GPBP1: variants seen among roughly 807,000 people sequenced by gnomAD.
GPBP1 encodes the protein vasculin.
In GPBP1, 13 loss-of-function variants were observed where a neutral mutation model predicts 56.5. That is an observed-to-expected ratio of 0.23 (90% CI 0.15 to 0.37). The LOEUF is 0.37. Ranked by LOEUF, GPBP1 falls within the 10% of genes least tolerant of loss-of-function variation. The probability of loss-of-function intolerance (pLI) is 1.00; values close to 1 mark genes in which losing one functional copy is unlikely to be tolerated. For missense variants in GPBP1, 477 were observed against 572.3 expected (o/e 0.83, Z 1.70); for synonymous variants, 204 against 188.9 (o/e 1.08, Z -0.66).
chr5:57,215,898 C>G (rs186677131), intron 3 of GPBP1, among the ~76,000 whole-genome samples: 55 of 151,468 alleles, frequency 3.6e-4, no homozygotes, highest in African/African-American at 1.3e-3. Context: ...TTTCTCACTA[C>G]CAGTATCTCC....
At chr5:57,178,209 C>T (rs923752026) in intron 2 of GPBP1, among the ~76,000 whole-genome samples, 10 of 152,180 alleles carry the variant, frequency 6.6e-5, no homozygotes, top group Non-Finnish European at 1.5e-4. Context: ...GTCAAACGAT[C>T]ATTCTTCTAG....
chr5:57,229,230 C>CAAAAAAAAAAAAAAAAAAAAAAAAAAA (rs543005934), intron 3 of GPBP1, among the ~76,000 whole-genome samples: 4 of 77,424 alleles, frequency 5.2e-5, no homozygotes, highest in East Asian at 2.3e-4. Flanking sequence ...GACTCCATCT[C>CAAAAAAAAAAAAAAAAAAAAAAAAAAA]AAAAAAAAAA....
chr5:57,177,121 C>T (rs959586182), intron 2 of GPBP1, among the ~76,000 whole-genome samples: 1 of 152,020 alleles, frequency 6.6e-6, no homozygotes, highest in African/African-American at 2.4e-5. Flanking sequence ...TATGAGTATA[C>T]ATTTTTTTTT....
chr5:57,200,497 A>G (rs1754967322), intron 2 of GPBP1, among the ~76,000 whole-genome samples: 1 of 147,580 alleles, frequency 6.8e-6, no homozygotes, highest in Non-Finnish European at 1.5e-5. Flanking sequence ...CCTCCCTAGT[A>G]GCTGGGATTA....
At chr5:57,179,164 G>A (rs1753928672) in intron 2 of GPBP1, among the ~76,000 whole-genome samples, 1 of 151,922 alleles carries the variant, frequency 6.6e-6, no homozygotes, top group African/African-American at 2.4e-5. Context: ...GCCTTCTTGG[G>A]GATTTTACTT....
intron 4 of GPBP1, 56 bp from the exon 5 acceptor site, chr5:57,231,042 C>T (rs1262989100): frequency 6.3e-7 from 1 of 1,583,232 alleles, no homozygotes; most frequent in South Asian, 1.2e-5. Flanking sequence ...TGATGTGATT[C>T]AATCTTTAAG....
intron 6 of GPBP1, among the ~76,000 whole-genome samples, chr5:57,245,167 T>TAAA (rs1741032821): frequency 6.6e-6 from 1 of 152,204 alleles, no homozygotes; most frequent in Non-Finnish European, 1.5e-5. Flanking sequence ...ATATTGGGCT[T>TAAA]TTTTTAGACC....
intron 2 of GPBP1, among the ~76,000 whole-genome samples, chr5:57,186,047 A>C (rs1305583355): frequency 6.6e-6 from 1 of 152,140 alleles, no homozygotes; most frequent in Non-Finnish European, 1.5e-5. Flanking sequence ...AATTTCTCTC[A>C]GACTGTGGTT....
chr5:57,238,510 G>T (rs1740649454), intron 6 of GPBP1, among the ~76,000 whole-genome samples: 1 of 152,034 alleles, frequency 6.6e-6, no homozygotes, highest in South Asian at 2.1e-4. Flanking sequence ...GTGAGCCGAG[G>T]TCGCACCATT....
chr5:57,199,627 G>T (rs576930589), intron 2 of GPBP1, among the ~76,000 whole-genome samples: 1 of 151,974 alleles, frequency 6.6e-6, no homozygotes, highest in Non-Finnish European at 1.5e-5. Context: ...CATGTGCCAC[G>T]TTGGTGTGCT....
chr5:57,203,028 T>C (rs1444540542), intron 2 of GPBP1, among the ~76,000 whole-genome samples: 1 of 152,226 alleles, frequency 6.6e-6, no homozygotes, highest in Non-Finnish European at 1.5e-5. Context: ...GTTTACCTTA[T>C]GGAGAGTAAA....
chr5:57,247,707 TG>T (rs893038434), intron 8 of GPBP1, among the ~76,000 whole-genome samples: 74 of 151,364 alleles, frequency 4.9e-4, no homozygotes, highest in African/African-American at 1.8e-3. Context: ...AGAGTGGGGA[TG>T]GGGGGGAATT....
intron 2 of GPBP1, among the ~76,000 whole-genome samples, chr5:57,179,430 C>G (rs1232267616): frequency 6.6e-6 from 1 of 152,168 alleles, no homozygotes; most frequent in Admixed American, 6.5e-5. Flanking sequence ...CTCAGGCAAC[C>G]TCGAACTCCT....
intron 3 of GPBP1, among the ~76,000 whole-genome samples, chr5:57,219,915 G>T (rs1176309336): frequency 6.6e-6 from 1 of 151,898 alleles, no homozygotes; most frequent in Admixed American, 6.6e-5. Context: ...AGCTGGGCTT[G>T]GTGGCGCGTG....
chr5:57,210,821 T>C (rs1379181402), intron 2 of GPBP1, among the ~76,000 whole-genome samples: 1 of 152,208 alleles, frequency 6.6e-6, no homozygotes, highest in East Asian at 1.9e-4. Context: ...TTGCTGCCTC[T>C]TCACATGGTC....
At chr5:57,194,866 C>G (rs906217663) in intron 2 of GPBP1, among the ~76,000 whole-genome samples, 11 of 152,156 alleles carry the variant, frequency 7.2e-5, no homozygotes, top group African/African-American at 2.4e-4. Context: ...ATTCCATAGC[C>G]ATATACATAC....
intron 2 of GPBP1, among the ~76,000 whole-genome samples, chr5:57,212,768 C>A (rs1755546153): frequency 6.7e-6 from 1 of 149,786 alleles, no homozygotes; most frequent in Non-Finnish European, 1.5e-5. Flanking sequence ...CTCCTGGGTT[C>A]AAGCAATTCT....
intron 2 of GPBP1, among the ~76,000 whole-genome samples, chr5:57,178,873 C>T (rs942682441): frequency 1.3e-5 from 2 of 151,902 alleles, no homozygotes; most frequent in Non-Finnish European, 2.9e-5. Context: ...GCTTTTTTGT[C>T]CCTTTCTAAA....
intron 6 of GPBP1, among the ~76,000 whole-genome samples, chr5:57,238,753 C>T (rs1364052489): frequency 6.6e-6 from 1 of 152,106 alleles, no homozygotes; most frequent in East Asian, 1.9e-4. Context: ...TCTTCCAACT[C>T]AGCATTTATA....
Sources: allele counts gnomAD v4.1 joint callset (sites outside exome capture counted in the v4.1 genomes callset), GRCh38; gene constraint gnomAD v4.1.1; transcripts MANE v1.5; gene names NCBI Gene and HGNC (gene_info 2026-07-23, HGNC 2026-07-21).